WWOX: variants seen among roughly 807,000 people sequenced by gnomAD.
WWOX encodes the protein WW domain-containing oxidoreductase.
In WWOX, 69 loss-of-function variants were observed where a neutral mutation model predicts 46.2. The observed-to-expected ratio is 1.49, with a 90% CI of 1.23 to 1.82. The LOEUF (loss-of-function observed/expected upper bound fraction) is 1.82. WWOX is among the 40% of genes most tolerant of loss of function. WWOX has a pLI of 0.00. For synonymous variants in WWOX, 359 were observed against 202.6 expected (o/e 1.77, Z -6.56); for missense variants, 919 against 542.6 (o/e 1.69, Z -6.89).
intron 8 of WWOX, among the ~76,000 whole-genome samples, chr16:79,064,205 TC>T (rs1183974000): frequency 6.6e-6 from 1 of 152,124 alleles, no homozygotes; most frequent in Non-Finnish European, 1.5e-5. Flanking sequence ...AAGAGTGGGG[TC>T]CTTTCACTGA....
intron 5 of WWOX, among the ~76,000 whole-genome samples, chr16:78,187,613 A>T (rs1198196157): frequency 6.6e-6 from 1 of 152,032 alleles, no homozygotes; most frequent in Non-Finnish European, 1.5e-5. Context: ...AGACTTCGAG[A>T]CTCTGTCCCC....
chr16:78,755,231 C>A (rs1194053030), intron 8 of WWOX, among the ~76,000 whole-genome samples: 1 of 98,244 alleles, frequency 1.0e-5, no homozygotes, highest in African/African-American at 3.3e-5. Context: ...AAAAAAGTTT[C>A]ATCAAAAAAA....
At chr16:78,926,860 G>A (rs1039824820) in intron 8 of WWOX, among the ~76,000 whole-genome samples, 6 of 152,210 alleles carry the variant, frequency 3.9e-5, no homozygotes, top group Admixed American at 1.3e-4. Context: ...ACATTGGTGC[G>A]ATGAAGGCTT....
chr16:78,981,328 G>C lies in WWOX; in HGVS notation c.1057-230280G>C, dbSNP rs1427978189. On this transcript the variant is annotated intron_variant, in intron 8 of 8. Transcript: ENST00000566780. ...GGAATAACCAAAAATGCTGGGTGGG[G>C]GGGGAAAACGCCAGCAGATCTCTTT... Among the ~76,000 whole-genome samples the C allele has an allele frequency of 2.0e-5, 3 of 152,268 alleles. No individual in the cohort carries two copies. The East Asian group carries it at 5.8e-4, about 29-fold the overall frequency.
At chr16:78,309,790 G>A (rs533951962) in intron 5 of WWOX, among the ~76,000 whole-genome samples, 7 of 152,294 alleles carry the variant, frequency 4.6e-5, no homozygotes, top group African/African-American at 1.7e-4. Context: ...TGTGCACCCA[G>A]CAGTGTCTGT....
chr16:78,732,969 T>G (rs909263978), intron 8 of WWOX, among the ~76,000 whole-genome samples: 1 of 152,190 alleles, frequency 6.6e-6, no homozygotes, highest in African/African-American at 2.4e-5. Context: ...GGATGGCTCT[T>G]TATTTCCTTC....
chr16:79,134,660 G>A (rs1194390302), intron 8 of WWOX, among the ~76,000 whole-genome samples: 3 of 152,118 alleles, frequency 2.0e-5, no homozygotes, highest in African/African-American at 7.2e-5. Flanking sequence ...TACACATTTA[G>A]GTCGCGATTT....
intron 8 of WWOX, among the ~76,000 whole-genome samples, chr16:78,494,363 C>G (rs563167828): frequency 6.6e-6 from 1 of 152,220 alleles, no homozygotes; most frequent in African/African-American, 2.4e-5. Context: ...GGACACAGAG[C>G]CAAACCACAC....
rs190848157 is a variant in WWOX, at chr16:78,962,648, T to C, written c.1057-248960T>C. ...TGAGCTGCTTGCATCAGAATCTAAC[T>C]TGAGATGTATCATTCCTACGGTAAG... On this transcript the variant is annotated intron_variant, in intron 8 of 8. Coordinates refer to ENST00000566780, the MANE Select transcript of WWOX (RefSeq NM_016373.4). Among the ~76,000 whole-genome samples the C allele has an allele frequency of 2.6e-5, 4 of 152,270 alleles. No homozygotes were observed. In the East Asian group the frequency reaches 7.7e-4, roughly 29 times the overall value.
chr16:78,708,993 A>C lies in WWOX; in HGVS notation c.1056+276241A>C, dbSNP rs557892583. 2.0e-5 allele frequency among the ~76,000 whole-genome samples: 3 copies of C among 152,330 alleles called. No individual in the cohort carries two copies. In the East Asian group the frequency reaches 5.8e-4, roughly 29 times the overall value. ...ATCCATTTTGCCCTAGAAGTGTTTT[A>C]AATTTTATCAGGCTCATAAACTATG... On this transcript the variant is annotated intron_variant, in intron 8 of 8. Transcript: ENST00000566780.
At position 78,897,938 on chromosome 16, in the gene WWOX, C is replaced by G. The variant is rs1277166751; in HGVS notation, c.1057-313670C>G. On this transcript the variant is annotated intron_variant, in intron 8 of 8. Transcript: ENST00000566780. ...AGTGACTAATGCCTCTTTTTATGAACTCATTGGCCGTTCATATATTTTCTT... is the reference window on the plus strand; with the variant it reads ...AGTGACTAATGCCTCTTTTTATGAAGTCATTGGCCGTTCATATATTTTCTT... 6 of 152,138 alleles carry G rather than the reference C, an allele frequency of 3.9e-5. No homozygotes were observed. In the East Asian group the frequency reaches 7.8e-4, roughly 20 times the overall value. 9.4% of individuals were successfully genotyped at this position (152,138 alleles called of 1,614,324 possible). A position where few individuals can be genotyped will look rare whatever the true frequency, so the allele number is the denominator to read the frequency against.
At chr16:78,826,270 C>T (rs143763664) in intron 8 of WWOX, among the ~76,000 whole-genome samples, 2,721 of 152,200 alleles carry the variant, frequency 0.018, 64 homozygotes, top group African/African-American at 0.056. Flanking sequence ...CGCTTGAACC[C>T]GGGAGGTGGA....
At chr16:78,361,107 G>T (rs1891860346) in intron 5 of WWOX, among the ~76,000 whole-genome samples, 1 of 152,158 alleles carries the variant, frequency 6.6e-6, no homozygotes, top group Non-Finnish European at 1.5e-5. Context: ...ACAGGCATGA[G>T]CCACTGCACC....
chr16:78,870,829 T>C (rs2151202298), intron 8 of WWOX, among the ~76,000 whole-genome samples: 1 of 152,316 alleles, frequency 6.6e-6, no homozygotes, highest in South Asian at 2.1e-4. Flanking sequence ...CTCGAACTCC[T>C]GAGCTTAGGC....
chr16:79,059,552 G>A (rs1244385453), intron 8 of WWOX, among the ~76,000 whole-genome samples: 5 of 152,102 alleles, frequency 3.3e-5, no homozygotes, highest in African/African-American at 9.7e-5. Context: ...GTGCAATGGC[G>A]CGATCTCGGC....
intron 8 of WWOX, among the ~76,000 whole-genome samples, chr16:78,943,694 T>G (rs1002999356): frequency 1.3e-5 from 2 of 152,122 alleles, no homozygotes; most frequent in African/African-American, 2.4e-5. Context: ...TAGCAGGGTG[T>G]GCGATTGCAG....
intron 8 of WWOX, among the ~76,000 whole-genome samples, chr16:78,900,018 C>T (rs373865923): frequency 6.7e-6 from 1 of 149,174 alleles, no homozygotes; most frequent in Non-Finnish European, 1.5e-5. Context: ...CCTCCTTGGG[C>T]TACCAAAACG....
intron 5 of WWOX, among the ~76,000 whole-genome samples, chr16:78,295,050 C>G (rs993994115): frequency 1.3e-5 from 2 of 152,136 alleles, no homozygotes; most frequent in Admixed American, 1.3e-4. Flanking sequence ...TCACCCTGGC[C>G]TGTGTCCTAG....
intron 8 of WWOX, among the ~76,000 whole-genome samples, chr16:78,787,898 G>A (rs1446745615): frequency 6.6e-6 from 1 of 152,122 alleles, no homozygotes; most frequent in African/African-American, 2.4e-5. Flanking sequence ...CATGATTAAT[G>A]ATGTTGAGTA....
Sources: allele counts gnomAD v4.1 joint callset (sites outside exome capture counted in the v4.1 genomes callset), GRCh38; gene constraint gnomAD v4.1.1; transcripts MANE v1.5; gene names NCBI Gene and HGNC (gene_info 2026-07-23, HGNC 2026-07-21).